The following PIGU variants were observed in gnomAD, a reference collection of about 807,000 sequenced individuals.
PIGU encodes the protein phosphatidylinositol glycan anchor biosynthesis class U.
A neutral mutation model predicts 49.9 loss-of-function variants in PIGU; 24 were observed. That is an observed-to-expected ratio of 0.48 (90% CI 0.35 to 0.68). PIGU has a LOEUF of 0.68. Among genes scored for constraint, PIGU ranks in the 30% least tolerant of loss-of-function variants. The pLI is 0.01. For missense variants in PIGU, 490 were observed against 532.6 expected (o/e 0.92, Z 0.79); for synonymous variants, 220 against 205.7 (o/e 1.07, Z -0.59).
Position 34,675,260 on chromosome 20 carries a change from AAAAAAAAAAGAG to A in PIGU, c.130+1684_130+1695del, listed in dbSNP as rs1238158240. On this transcript the variant is annotated intron_variant, in intron 1 of 11. Coordinates refer to ENST00000217446, the MANE Select transcript of PIGU (RefSeq NM_080476.5). ...TGAAACTCCATCTCAAAAAAAAAAAAAAAAAAAAAGAGAGAGAGAGAAAATGTGGAAAAACCG... is the reference window on the plus strand; with the variant it reads ...TGAAACTCCATCTCAAAAAAAAAAAAAGAGAGAGAAAATGTGGAAAAACCG... Among the ~76,000 whole-genome samples, 21 of 135,930 alleles carry A rather than the reference AAAAAAAAAAGAG, an allele frequency of 1.5e-4. No homozygotes were observed. In the East Asian group the frequency reaches 3.3e-3, roughly 21 times the overall value. 89.2% of individuals were successfully genotyped at this position (135,930 alleles called of 152,430 possible).
At position 34,655,398 on chromosome 20, in the gene PIGU, G is replaced by A. The variant is rs571751476; in HGVS notation, c.195+1782C>T. Among the ~76,000 whole-genome samples, 3 of 119,286 alleles carry A rather than the reference G, an allele frequency of 2.5e-5. 1 individual carries two copies. The highest frequency in any genetic ancestry group is 4.9e-4 in the South Asian group (2 of 4,100). The allele number at this position is 119,286 out of a possible 152,430, so 78.3% of individuals were successfully genotyped here. On this transcript the variant is annotated intron_variant, in intron 2 of 11. Coordinates refer to ENST00000217446, the MANE Select transcript of PIGU (RefSeq NM_080476.5). ...ATAAGAACGGAAAGGGCAGTGGGAC[G>A]CGGTGGCTCACGCCTGTAATCCCAG...
chr20:34,586,963 G>A (rs891242603), intron 8 of PIGU, among the ~76,000 whole-genome samples: 2 of 152,170 alleles, frequency 1.3e-5, no homozygotes, highest in South Asian at 4.1e-4. Context: ...CCTTGGCGAT[G>A]ACCTTGAGCA....
chr20:34,583,756 G>A (rs1360881121), intron 9 of PIGU, among the ~76,000 whole-genome samples: 1 of 152,216 alleles, frequency 6.6e-6, no homozygotes, highest in African/African-American at 2.4e-5. Flanking sequence ...CCAGAGTTCC[G>A]GAGCCTGCCA....
At chr20:34,577,149 ATAAT>A (rs1371001445) in intron 10 of PIGU, among the ~76,000 whole-genome samples, 1 of 152,242 alleles carries the variant, frequency 6.6e-6, no homozygotes, top group Non-Finnish European at 1.5e-5. Flanking sequence ...ATCATTTAAA[ATAAT>A]TAAAAGAATA....
chr20:34,609,369 T>G (rs1984731546), intron 7 of PIGU, among the ~76,000 whole-genome samples: 1 of 152,036 alleles, frequency 6.6e-6, no homozygotes, highest in Admixed American at 6.6e-5. Flanking sequence ...CTTTTTTGTT[T>G]TTTTTTTGTT....
At chr20:34,562,548 A>G (rs1270673654) in intron 11 of PIGU, 1 of 1,289,220 alleles carries the variant, frequency 7.8e-7, no homozygotes, top group Non-Finnish European at 1.0e-6. Context: ...CTGCCATTCT[A>G]TCACCACAGA....
chr20:34,575,387 G>A, intron 10 of PIGU, 141 bp from the exon 11 acceptor site: 3 of 958,760 alleles, frequency 3.1e-6, no homozygotes, highest in South Asian at 4.4e-5. Context: ...GTACTGGGGT[G>A]CCAAGAAGCA....
intron 11 of PIGU, among the ~76,000 whole-genome samples, chr20:34,567,366 A>G (rs988155576): frequency 6.6e-6 from 1 of 152,214 alleles, no homozygotes; most frequent in Non-Finnish European, 1.5e-5. Context: ...CCTCAGTGTC[A>G]GGGTCTGAGA....
intron 7 of PIGU, among the ~76,000 whole-genome samples, chr20:34,612,382 G>A (rs1232318372): frequency 3.3e-5 from 5 of 152,032 alleles, no homozygotes; most frequent in African/African-American, 9.7e-5. Context: ...GTGGGAGAGC[G>A]TTAGGACAAA....
In PIGU at chr20:34,588,470, G is replaced by A. The variant is rs779793567; in HGVS notation, c.765C>T (p.Pro255=). ...FFLLSSWDFI[P]AVYGFILSVP... ...TTACTTACATAAAGCCATAGACTGC[G>A]GGGATGAAATCCCAAGAGCTGAGAA... Residue 255 remains proline, a synonymous_variant, in exon 8 of 12, where the codon CCC becomes CCT. Transcript: ENST00000217446. 54 of 1,613,772 alleles carry A rather than the reference G, an allele frequency of 3.3e-5. No homozygotes were observed. The highest frequency in any genetic ancestry group is 3.3e-4 in the East Asian group (15 of 44,854).
intron 4 of PIGU, among the ~76,000 whole-genome samples, chr20:34,639,811 A>T (rs1444518743): frequency 2.0e-5 from 3 of 152,190 alleles, no homozygotes; most frequent in East Asian, 3.8e-4. Flanking sequence ...AGCGGTGGGA[A>T]TTATCAGTAA....
chr20:34,605,085 G>A (rs1282262488), intron 7 of PIGU, among the ~76,000 whole-genome samples: 1 of 152,100 alleles, frequency 6.6e-6, no homozygotes, highest in Non-Finnish European at 1.5e-5. Context: ...TTCCTTCACT[G>A]GAGCCTCCTG....
intron 10 of PIGU, among the ~76,000 whole-genome samples, chr20:34,578,741 C>T (rs1983337257): frequency 1.3e-5 from 2 of 152,210 alleles, no homozygotes; most frequent in Non-Finnish European, 2.9e-5. Context: ...TGCTGGCTGA[C>T]AGGCCAGAAG....
intron 11 of PIGU, among the ~76,000 whole-genome samples, chr20:34,572,553 C>A (rs1301707802): frequency 2.0e-5 from 3 of 152,142 alleles, no homozygotes; most frequent in Non-Finnish European, 2.9e-5. Flanking sequence ...ACTCAGGAGG[C>A]TGAGGTGAGA....
chr20:34,635,410 C>T (rs2146761470), intron 5 of PIGU, among the ~76,000 whole-genome samples: 1 of 152,290 alleles, frequency 6.6e-6, no homozygotes, highest in Admixed American at 6.5e-5. Flanking sequence ...GACATCTGGA[C>T]CCTCACTAGG....
At position 34,676,024 on chromosome 20, in the gene PIGU, T is replaced by TAA. The variant is rs10711315; in HGVS notation, c.130+930_130+931dup. The stretch of plus-strand genomic sequence containing the variant: ...GCATTGTATGTATACTGTACTTCAG[T>TAA]AAAAAAAAAAAAAAAAAAGTTGTTT... On this transcript the variant is annotated intron_variant, in intron 1 of 11. Transcript: ENST00000217446. 3.2e-3 allele frequency among the ~76,000 whole-genome samples: 430 copies of TAA among 132,576 alleles called. 1 individual carries two copies. Among genetic ancestry groups the TAA allele is most frequent in the South Asian group, 0.01 (43 of 4,146 alleles). 87.0% of individuals were successfully genotyped at this position (132,576 alleles called of 152,430 possible).
chr20:34,638,125 A>G, intron 4 of PIGU, 140 bp from the exon 5 acceptor site: 2 of 1,346,836 alleles, frequency 1.5e-6, no homozygotes, highest in South Asian at 3.6e-5. Flanking sequence ...CTCATCTCAC[A>G]CTCGGCCCTC....
intron 1 of PIGU, among the ~76,000 whole-genome samples, chr20:34,658,685 C>T (rs1351166263): frequency 1.3e-5 from 2 of 151,574 alleles, no homozygotes; most frequent in Admixed American, 6.6e-5. Flanking sequence ...CCCAGCCGCC[C>T]CGTCTGAGAA....
intron 7 of PIGU, among the ~76,000 whole-genome samples, chr20:34,606,733 T>G (rs1208754748): frequency 6.6e-6 from 1 of 152,202 alleles, no homozygotes; most frequent in African/African-American, 2.4e-5. Flanking sequence ...CTACAGAATA[T>G]GCCTTTGTAA....
Sources: allele counts gnomAD v4.1 joint callset (sites outside exome capture counted in the v4.1 genomes callset), GRCh38; gene constraint gnomAD v4.1.1; transcripts MANE v1.5; gene names NCBI Gene and HGNC (gene_info 2026-07-23, HGNC 2026-07-21).